TRAPPC9: variants seen among roughly 807,000 people sequenced by gnomAD.
TRAPPC9 encodes IKK2 binding protein.
In TRAPPC9, 83 loss-of-function variants were observed where a neutral mutation model predicts 124.0. The ratio of observed to expected loss-of-function variants is 0.67; its 90% confidence interval spans 0.56 to 0.80. TRAPPC9 has a LOEUF of 0.80. TRAPPC9 is among the 30% of genes least tolerant of loss of function. The pLI is 0.00. For synonymous variants in TRAPPC9, 638 were observed against 617.5 expected (o/e 1.03, Z -0.49); for missense variants, 1,302 against 1,508.3 (o/e 0.86, Z 2.27).
At chr8:139,809,184 AAAC>A (rs1159480886) in intron 21 of TRAPPC9, among the ~76,000 whole-genome samples, 4 of 152,218 alleles carry the variant, frequency 2.6e-5, no homozygotes, top group Admixed American at 2.6e-4. Context: ...GCATTTATCC[AAAC>A]AAGAGAGAAA....
At chr8:139,854,813 A>G (rs1827701219) in intron 21 of TRAPPC9, among the ~76,000 whole-genome samples, 1 of 152,206 alleles carries the variant, frequency 6.6e-6, no homozygotes, top group Non-Finnish European at 1.5e-5. Flanking sequence ...TAAGCTCAGG[A>G]AAGAGGGTGC....
At chr8:140,406,997 C>T (rs2069516916) in intron 5 of TRAPPC9, among the ~76,000 whole-genome samples, 1 of 152,298 alleles carries the variant, frequency 6.6e-6, no homozygotes, top group African/African-American at 2.4e-5. Flanking sequence ...CCCCTTCGAG[C>T]AGTGAGCATT....
At chr8:140,195,662 A>G (rs1425772624) in intron 17 of TRAPPC9, among the ~76,000 whole-genome samples, 1 of 151,928 alleles carries the variant, frequency 6.6e-6, no homozygotes, top group Non-Finnish European at 1.5e-5. Flanking sequence ...TCAATGATCC[A>G]CTACACAGCT....
intron 9 of TRAPPC9, among the ~76,000 whole-genome samples, chr8:140,314,565 T>C (rs1028627891): frequency 6.6e-6 from 1 of 152,176 alleles, no homozygotes; most frequent in African/African-American, 2.4e-5. Flanking sequence ...AACTAGAGCA[T>C]TGTATCCACT....
At chr8:140,152,664 G>A (rs958069395) in intron 17 of TRAPPC9, among the ~76,000 whole-genome samples, 16 of 152,098 alleles carry the variant, frequency 1.1e-4, no homozygotes, top group African/African-American at 3.1e-4. Context: ...CACTGCGCCC[G>A]GCCATGTTGC....
chr8:140,140,591 C>T (rs1289910343), intron 17 of TRAPPC9, among the ~76,000 whole-genome samples: 1 of 152,174 alleles, frequency 6.6e-6, no homozygotes, highest in African/African-American at 2.4e-5. Context: ...TTAGAGAGAA[C>T]AATTGTATGC....
chr8:139,816,379 G>A (rs1009772620), intron 21 of TRAPPC9, among the ~76,000 whole-genome samples: 1 of 152,214 alleles, frequency 6.6e-6, no homozygotes, highest in African/African-American at 2.4e-5. Flanking sequence ...TCCCCAGAAC[G>A]TTCCTTGCCA....
At chr8:139,739,574 T>G (rs970776578) in intron 21 of TRAPPC9, among the ~76,000 whole-genome samples, 3 of 152,140 alleles carry the variant, frequency 2.0e-5, no homozygotes, top group African/African-American at 7.2e-5. Context: ...TCCCAGAGCC[T>G]CTGCACCTGC....
chr8:139,738,632 C>G (rs1818354629), intron 21 of TRAPPC9, among the ~76,000 whole-genome samples: 1 of 152,222 alleles, frequency 6.6e-6, no homozygotes, highest in African/African-American at 2.4e-5. Context: ...ACCGATCAGA[C>G]TCTGGACCCC....
At chr8:139,926,607 T>TA (rs57775985) in intron 19 of TRAPPC9, among the ~76,000 whole-genome samples, 33,743 of 140,242 alleles carry the variant, frequency 0.24, 3,999 homozygotes, top group Middle Eastern at 0.32. Flanking sequence ...TGAATTAAAA[T>TA]AAAAAAAAAA....
chr8:140,056,118 C>T (rs1242703053), intron 17 of TRAPPC9, among the ~76,000 whole-genome samples: 1 of 151,976 alleles, frequency 6.6e-6, no homozygotes, highest in Non-Finnish European at 1.5e-5. Flanking sequence ...GTAATTAAAA[C>T]AGCATGGTAG....
At chr8:140,112,351 C>T (rs10105469) in intron 17 of TRAPPC9, among the ~76,000 whole-genome samples, 63,657 of 120,880 alleles carry the variant, frequency 0.53, 17,841 homozygotes, top group East Asian at 0.81. Flanking sequence ...GGGACAGGTG[C>T]GAGGAGAGGA....
Position 140,241,722 on chromosome 8 carries a change from T to G in TRAPPC9, c.2431+11055A>C, listed in dbSNP as rs2063860341. 6.6e-6 allele frequency among the ~76,000 whole-genome samples: 1 copy of G among 151,906 alleles called. No homozygotes were observed. Among genetic ancestry groups the G allele is most frequent in the Non-Finnish European group, 1.5e-5 (1 of 67,984 alleles). On this transcript the variant is annotated intron_variant, in intron 16 of 22. Coordinates refer to ENST00000438773, the MANE Select transcript of TRAPPC9 (RefSeq NM_001160372.4). The surrounding 1 kb of genome is among the most constrained non-coding windows in gnomAD (Gnocchi z 5.0). ...AAAATAAAATTAAAATTAAAAAGAT[T>G]TTAAAAGACCCTTCATTCAGAGTTC...
chr8:139,886,852 A>C (rs1830046690), intron 20 of TRAPPC9, among the ~76,000 whole-genome samples: 1 of 152,206 alleles, frequency 6.6e-6, no homozygotes, highest in African/African-American at 2.4e-5. Context: ...AGCAACGTAG[A>C]ACCTGAGAAT....
chr8:140,138,918 T>C (rs2061343668), intron 17 of TRAPPC9, among the ~76,000 whole-genome samples: 1 of 152,020 alleles, frequency 6.6e-6, no homozygotes, highest in South Asian at 2.1e-4. Flanking sequence ...AGGTGTGCAG[T>C]CTGAGGGTGC....
intron 17 of TRAPPC9, among the ~76,000 whole-genome samples, chr8:140,145,679 T>A (rs2061451717): frequency 6.6e-6 from 1 of 152,206 alleles, no homozygotes; most frequent in Admixed American, 6.5e-5. Context: ...TTTGCTAATA[T>A]TTCACTTAGT....
intron 7 of TRAPPC9, among the ~76,000 whole-genome samples, chr8:140,385,698 C>T (rs1588259203): frequency 6.6e-6 from 1 of 152,120 alleles, no homozygotes; most frequent in Non-Finnish European, 1.5e-5. Context: ...CAAAAAAAGT[C>T]CAGGACCAGA....
At chr8:139,890,795 A>G (rs1830291203) in intron 20 of TRAPPC9, among the ~76,000 whole-genome samples, 1 of 152,148 alleles carries the variant, frequency 6.6e-6, no homozygotes, top group Non-Finnish European at 1.5e-5. Context: ...ATGTATACGT[A>G]TGTAACTAAC....
At chr8:139,844,927 AC>A (rs889647191) in intron 21 of TRAPPC9, among the ~76,000 whole-genome samples, 22 of 151,762 alleles carry the variant, frequency 1.4e-4, no homozygotes, top group Non-Finnish European at 2.5e-4. Context: ...CCAGTTCATC[AC>A]CCCGTCCCCA....
Sources: gnomAD v4.1 joint callset for allele counts (sites outside exome capture counted in the v4.1 genomes callset) on GRCh38, gnomAD v4.1.1 for gene constraint, Gnocchi (gnomAD v3.1) non-coding constraint, MANE v1.5 for transcripts, NCBI Gene and HGNC (gene_info 2026-07-23, HGNC 2026-07-21) for gene names.